UBXN2A: variants seen among roughly 807,000 people sequenced by gnomAD.
UBXN2A encodes the protein UBX domain-containing protein 2A.
Under a neutral mutation model 28.4 loss-of-function variants are expected in UBXN2A, and 28 were observed. That is an observed-to-expected ratio of 0.99 (90% CI 0.73 to 1.35). UBXN2A has a LOEUF of 1.35. Among genes scored for constraint, UBXN2A ranks in the 40% most tolerant of loss-of-function variants. The probability of loss-of-function intolerance (pLI) is 0.00; values close to 1 mark genes in which losing one functional copy is unlikely to be tolerated. For missense variants in UBXN2A, 253 were observed against 297.9 expected (o/e 0.85, Z 1.11); for synonymous variants, 97 against 103.6 (o/e 0.94, Z 0.39).
intron 1 of UBXN2A, among the ~76,000 whole-genome samples, chr2:23,928,683 A>G (rs1429378869): frequency 6.6e-6 from 1 of 152,262 alleles, no homozygotes; most frequent in East Asian, 1.9e-4. Flanking sequence ...AAACTCAGGA[A>G]AAGTCCTGAA....
In UBXN2A at chr2:23,999,905, A is replaced by G; in HGVS notation, c.*38A>G. 1 of 1,601,126 alleles carries G rather than the reference A, an allele frequency of 6.2e-7. No homozygotes were observed. Among genetic ancestry groups the G allele is most frequent in the Non-Finnish European group, 8.5e-7 (1 of 1,173,344 alleles). The stretch of plus-strand genomic sequence containing the variant: ...TAAGTGGAAAATTTGCAGAGAAATG[A>G]TGGTTGTAAGTGGACATGCAAACCA... On this transcript the variant is annotated 3_prime_UTR_variant, in exon 7 of 7. Coordinates refer to ENST00000309033, the MANE Select transcript of UBXN2A (RefSeq NM_181713.4).
In UBXN2A at chr2:24,003,353, A is replaced by G. The variant is rs980758297; in HGVS notation, c.*3486A>G. On this transcript the variant is annotated 3_prime_UTR_variant, in exon 7 of 7. Transcript: ENST00000309033. ...TCTGTTCCCTTTTGTCACTGAACCA[A>G]TCATGACATAAACTTGTGCTTTACC... is the stretch of plus-strand genomic sequence containing the variant. The G allele has an allele frequency of 3.3e-5, 5 of 152,350 alleles. No individual in the cohort carries two copies. Among genetic ancestry groups the G allele is most frequent in the African/African-American group, 9.6e-5 (4 of 41,584 alleles). The allele number at this position is 152,350 out of a possible 1,614,324, so 9.4% of individuals were successfully genotyped here. A position where few individuals can be genotyped will look rare whatever the true frequency, so the allele number is the denominator to read the frequency against.
chr2:23,930,596 C>T (rs145136439), intron 1 of UBXN2A, among the ~76,000 whole-genome samples: 139 of 152,282 alleles, frequency 9.1e-4, no homozygotes, highest in Admixed American at 2.9e-3. Context: ...AGGTGGCTCA[C>T]GCCTATAATC....
At chr2:23,974,911 G>A (rs559385283) in intron 3 of UBXN2A, among the ~76,000 whole-genome samples, 16 of 151,970 alleles carry the variant, frequency 1.1e-4, no homozygotes, top group African/African-American at 1.4e-4. Flanking sequence ...CCAGGGAGGC[G>A]GAGCTCGCAG....
At chr2:23,942,265 T>C (rs1705798774) in intron 1 of UBXN2A, among the ~76,000 whole-genome samples, 2 of 151,964 alleles carry the variant, frequency 1.3e-5, no homozygotes, top group South Asian at 4.1e-4. Flanking sequence ...TAGGGGAAGA[T>C]GACTCCCAAA....
intron 3 of UBXN2A, among the ~76,000 whole-genome samples, chr2:23,974,934 G>A (rs552560169): frequency 1.1e-4 from 17 of 151,620 alleles, no homozygotes; most frequent in Middle Eastern, 3.4e-3. Flanking sequence ...AACCAAGATC[G>A]TGCCACTGCA....
chr2:23,976,064 C>T (rs1384585230), intron 3 of UBXN2A, among the ~76,000 whole-genome samples: 3 of 152,174 alleles, frequency 2.0e-5, no homozygotes, highest in Non-Finnish European at 4.4e-5. Flanking sequence ...TCGTATTATA[C>T]ATAATAAGGA....
Position 23,996,569 on chromosome 2 carries a change from C to T in UBXN2A, c.585-3103C>T, listed in dbSNP as rs187461169. Among the ~76,000 whole-genome samples the T allele has an allele frequency of 1.9e-3, 286 of 146,718 alleles. 2 individuals are homozygous for T. Among genetic ancestry groups the T allele is most frequent in the African/African-American group, 6.7e-3 (265 of 39,758 alleles). On this transcript the variant is annotated intron_variant, in intron 6 of 6. Transcript: ENST00000309033. The stretch of plus-strand genomic sequence containing the variant: ...TCGGCTCACTGCAACCTCCACCTTA[C>T]GGTTTCAAGAGATTCTCCTGCCTCA...
intron 1 of UBXN2A, among the ~76,000 whole-genome samples, chr2:23,928,304 C>A (rs1344363610): frequency 6.6e-6 from 1 of 151,892 alleles, no homozygotes; most frequent in Non-Finnish European, 1.5e-5. Flanking sequence ...ACAGTACAGG[C>A]CGGGCTTACG....
At chr2:23,981,476 TAAAAAA>T (rs55665209) in intron 4 of UBXN2A, among the ~76,000 whole-genome samples, 2,115 of 28,666 alleles carry the variant, frequency 0.074, 6 homozygotes, top group South Asian at 0.13. Flanking sequence ...AGCTCCTATC[TAAAAAA>T]AAAAAAAAAA....
chr2:23,946,496 G>T (rs1365176273), intron 1 of UBXN2A, among the ~76,000 whole-genome samples: 48 of 149,118 alleles, frequency 3.2e-4, no homozygotes, highest in Admixed American at 1.1e-3. Flanking sequence ...ATTTTTTTTT[G>T]TATTTTAATA....
intron 1 of UBXN2A, among the ~76,000 whole-genome samples, chr2:23,942,850 C>T (rs1413221801): frequency 6.6e-6 from 1 of 151,800 alleles, no homozygotes; most frequent in South Asian, 2.1e-4. Context: ...TGAACTCTCC[C>T]GTAATATTAC....
At chr2:23,927,715 C>G (rs1301790812) in intron 1 of UBXN2A, 2 of 151,546 alleles carry the variant, frequency 1.3e-5, no homozygotes, top group Non-Finnish European at 1.5e-5. Context: ...TTAGCCAGAT[C>G]TAAGGCGGAG....
intron 1 of UBXN2A, among the ~76,000 whole-genome samples, chr2:23,941,894 G>T (rs1184171038): frequency 3.3e-5 from 5 of 152,110 alleles, no homozygotes; most frequent in African/African-American, 1.2e-4. Flanking sequence ...CTAACATGGT[G>T]AAACCCCGTC....
intron 2 of UBXN2A, among the ~76,000 whole-genome samples, chr2:23,969,321 G>A (rs545448685): frequency 6.6e-6 from 1 of 152,098 alleles, no homozygotes; most frequent in Admixed American, 6.6e-5. Context: ...AGGATTGCTT[G>A]AGCCCAGGAG....
chr2:23,933,794 A>G (rs1705445708), intron 1 of UBXN2A, among the ~76,000 whole-genome samples: 1 of 152,196 alleles, frequency 6.6e-6, no homozygotes, highest in Non-Finnish European at 1.5e-5. Context: ...AAACACTGCA[A>G]GTCTATAGGG....
At chr2:23,947,980 A>G (rs1706170424) in intron 1 of UBXN2A, among the ~76,000 whole-genome samples, 1 of 151,562 alleles carries the variant, frequency 6.6e-6, no homozygotes, top group Non-Finnish European at 1.5e-5. Flanking sequence ...TCAGCCTCCC[A>G]AGTAGCTGAG....
At chr2:23,943,607 C>A (rs181266491) in intron 1 of UBXN2A, among the ~76,000 whole-genome samples, 1 of 152,220 alleles carries the variant, frequency 6.6e-6, no homozygotes, top group East Asian at 1.9e-4. Flanking sequence ...CCTGCCTCAG[C>A]CTCCCAAGTA....
At chr2:23,933,734 A>G (rs56348578) in intron 1 of UBXN2A, among the ~76,000 whole-genome samples, 2 of 151,964 alleles carry the variant, frequency 1.3e-5, no homozygotes, top group Non-Finnish European at 2.9e-5. Flanking sequence ...AAGAAAAAAA[A>G]CAAAAACAGA....
Sources: allele counts gnomAD v4.1 joint callset (sites outside exome capture counted in the v4.1 genomes callset), GRCh38; gene constraint gnomAD v4.1.1; transcripts MANE v1.5; gene names NCBI Gene and HGNC (gene_info 2026-07-23, HGNC 2026-07-21).